PRPF8: variants seen among roughly 807,000 people sequenced by gnomAD.
PRPF8 encodes pre-mRNA-processing-splicing factor 8.
PRPF8 carries 64 observed loss-of-function variants against 285.9 expected under a neutral mutation model. That is an observed-to-expected ratio of 0.22 (90% CI 0.18 to 0.28). The LOEUF is 0.28. Ranked by LOEUF, PRPF8 falls within the 10% of genes least tolerant of loss-of-function variation. The pLI is 1.00. For missense variants in PRPF8, 1,426 were observed against 3,026.7 expected (o/e 0.47, Z 12.41); for synonymous variants, 1,325 against 1,118.2 (o/e 1.18, Z -3.69).
At chr17:1,684,263 G>A (rs112856762) in intron 2 of PRPF8, among the ~76,000 whole-genome samples, 2 of 152,322 alleles carry the variant, frequency 1.3e-5, no homozygotes, top group East Asian at 3.9e-4. Context: ...CGTAAGGACA[G>A]GAATTTTGTC....
chr17:1,678,324 CA>C (rs371598206), intron 13 of PRPF8, 193 bp downstream of exon 13: 1,439 of 586,382 alleles, frequency 2.5e-3, no homozygotes, highest in East Asian at 4.1e-3. Flanking sequence ...CAAAACAAAA[CA>C]AAAAAAAAAT....
chr17:1,658,148 A>G lies in PRPF8; in HGVS notation c.5505+105T>C. 6.5e-7 allele frequency: 1 copy of G among 1,542,276 alleles called. No homozygotes were observed. The highest frequency in any genetic ancestry group is 1.1e-5 in the South Asian group (1 of 87,146). On this transcript the variant is annotated intron_variant, in intron 34 of 42. Coordinates refer to ENST00000304992, the MANE Select transcript of PRPF8 (RefSeq NM_006445.4). The surrounding 1 kb of genome is among the most constrained non-coding windows in gnomAD (Gnocchi z 4.1). ...TATTTTGGGGATAAGTTCAAATGAGATGTTCTCAGCCTTTCATCTAATAAA... is the reference window on the plus strand; with the variant it reads ...TATTTTGGGGATAAGTTCAAATGAGGTGTTCTCAGCCTTTCATCTAATAAA...
At chr17:1,668,099 C>G (rs1912094880) in intron 24 of PRPF8, among the ~76,000 whole-genome samples, 1 of 152,220 alleles carries the variant, frequency 6.6e-6, no homozygotes, top group African/African-American at 2.4e-5. Flanking sequence ...GAATTGAGGC[C>G]CAGCATGGGC....
In PRPF8 at chr17:1,673,011, G is replaced by A. The variant is rs1185442461; in HGVS notation, c.3774+70C>T. ...AAGGAAGCAGCCAGCAGGGGACGAA[G>A]TGAAAGGGGTGTGAAATGAGCAGAG... On this transcript the variant is annotated intron_variant, in intron 24 of 42. Coordinates refer to ENST00000304992, the MANE Select transcript of PRPF8 (RefSeq NM_006445.4). The surrounding 1 kb of genome is among the most constrained non-coding windows in gnomAD (Gnocchi z 5.5). The A allele has an allele frequency of 1.4e-6, 2 of 1,411,916 alleles. No homozygotes were observed. The highest frequency in any genetic ancestry group is 1.7e-5 in the Admixed American group (1 of 59,732). The allele number at this position is 1,411,916 out of a possible 1,614,324, so 87.5% of individuals were successfully genotyped here. A position where few individuals can be genotyped will look rare whatever the true frequency, so the allele number is the denominator to read the frequency against.
In PRPF8 at chr17:1,653,084, G is replaced by A. The variant is rs376203841; in HGVS notation, c.6369+458C>T. 13 of 277,642 alleles carry A rather than the reference G, an allele frequency of 4.7e-5. No homozygotes were observed. The Admixed American group carries it at 4.8e-4, about 10-fold the overall frequency. The allele number at this position is 277,642 out of a possible 1,614,324, so 17.2% of individuals were successfully genotyped here. A position where few individuals can be genotyped will look rare whatever the true frequency, so the allele number is the denominator to read the frequency against. On this transcript the variant is annotated intron_variant, in intron 39 of 42. Coordinates refer to ENST00000304992, the MANE Select transcript of PRPF8 (RefSeq NM_006445.4). This position sits in a 1 kb window ranked among gnomAD's most constrained non-coding sequence, Gnocchi z 4.9. ...CTCCCTAGTAGCTGCAACTACGGGC[G>A]CATGCCACCATGCCTGGCTAATTTT...
intron 3 of PRPF8, 22 bp from the exon 4 acceptor site, chr17:1,682,315 A>G (rs193032459): frequency 1.6e-4 from 257 of 1,612,832 alleles, no homozygotes; most frequent in Non-Finnish European, 2.0e-4. Flanking sequence ...GAAAAAGAGA[A>G]GGCTATCAGA....
At chr17:1,682,411 A>C in intron 3 of PRPF8, 118 bp from the exon 4 acceptor site, 1 of 1,338,458 alleles carries the variant, frequency 7.5e-7, no homozygotes, top group South Asian at 1.2e-5. Context: ...CAAACTCCCA[A>C]ACTTAGCCCA....
At position 1,673,956 on chromosome 17, in the gene PRPF8, C is replaced by T; in HGVS notation, c.3300-64G>A. On this transcript the variant is annotated intron_variant, in intron 21 of 42. Transcript: ENST00000304992. This position sits in a 1 kb window ranked among gnomAD's most constrained non-coding sequence, Gnocchi z 5.5. Reference sequence around the variant, plus strand: ...CTGAGATTTGGGACACCCACAAGTCCTCCAGCTCAATAGACGGAGACCCCA... The same window carrying T: ...CTGAGATTTGGGACACCCACAAGTCTTCCAGCTCAATAGACGGAGACCCCA... 6.3e-7 allele frequency: 1 copy of T among 1,593,578 alleles called. No individual in the cohort carries two copies. Among genetic ancestry groups the T allele is most frequent in the Non-Finnish European group, 8.5e-7 (1 of 1,171,456 alleles).
rs752820827 is a variant in PRPF8 at position 1,679,434 on chromosome 17, T to G, written c.1290-24A>C. 3 of 1,611,644 alleles carry G rather than the reference T, an allele frequency of 1.9e-6. No homozygotes were observed. In the South Asian group the frequency reaches 3.3e-5, roughly 18 times the overall value. ...ACCTGGAAAAATAAGCCCACCAGAG[T>G]TTGGCCATCTCTTCTTCCAGACACT... On this transcript the variant is annotated intron_variant, in intron 9 of 42. Transcript: ENST00000304992. This position sits in a 1 kb window ranked among gnomAD's most constrained non-coding sequence, Gnocchi z 4.7.
intron 20 of PRPF8, 139 bp from the exon 21 acceptor site, chr17:1,674,819 G>A (rs999617962): frequency 6.5e-6 from 6 of 927,392 alleles, no homozygotes; most frequent in Middle Eastern, 2.7e-4. Flanking sequence ...CACCCAGGCT[G>A]AGAGTGCACT....
chr17:1,661,872 A>G lies in PRPF8; in HGVS notation c.4022+34T>C, dbSNP rs1597233104. 1 of 1,614,190 alleles carries G rather than the reference A, an allele frequency of 6.2e-7. No individual in the cohort carries two copies. Among genetic ancestry groups the G allele is most frequent in the African/African-American group, 1.3e-5 (1 of 75,050 alleles). ...ACCCACTTCCCTTAGGGCCTGAGCA[A>G]TAGGGTTTAGAAATACGTTGAACCA... On this transcript the variant is annotated intron_variant, in intron 25 of 42. Coordinates refer to ENST00000304992, the MANE Select transcript of PRPF8 (RefSeq NM_006445.4). The surrounding 1 kb of genome is among the most constrained non-coding windows in gnomAD (Gnocchi z 7.3).
Position 1,653,513 on chromosome 17 carries a change from C to G in PRPF8, c.6369+29G>C. 3 of 1,614,146 alleles carry G rather than the reference C, an allele frequency of 1.9e-6. No individual in the cohort carries two copies. In the East Asian group the frequency reaches 6.7e-5, roughly 36 times the overall value. On this transcript the variant is annotated intron_variant, in intron 39 of 42. Transcript: ENST00000304992. This position sits in a 1 kb window ranked among gnomAD's most constrained non-coding sequence, Gnocchi z 4.9. ...AGGCACAAAATGAGTTGGGCACACA[C>G]TGTGGCCTAGCTGAGTCCACTTACT...
In PRPF8 at chr17:1,682,046, GCAAGACAT is replaced by G; in HGVS notation, c.435-16_435-9del. On this transcript the variant is annotated splice_polypyrimidine_tract_variant and intron_variant, in intron 4 of 42. Coordinates refer to ENST00000304992, the MANE Select transcript of PRPF8 (RefSeq NM_006445.4). The stretch of plus-strand genomic sequence containing the variant: ...ATCATAATCCACATTGACCTGGAAG[GCAAGACAT>G]CACACAACCATTTCTACCCACTGCC... 1 of 1,613,798 alleles carries G rather than the reference GCAAGACAT, an allele frequency of 6.2e-7. No individual in the cohort carries two copies. Among genetic ancestry groups the G allele is most frequent in the Non-Finnish European group, 8.5e-7 (1 of 1,179,946 alleles).
At chr17:1,664,958 C>G (rs1911876440) in intron 24 of PRPF8, among the ~76,000 whole-genome samples, 1 of 151,672 alleles carries the variant, frequency 6.6e-6, no homozygotes, top group Non-Finnish European at 1.5e-5. Flanking sequence ...GAGTTCAAGA[C>G]CAGCCTGGCC....
chr17:1,678,913 G>A (rs780281057), intron 11 of PRPF8, 32 bp from the exon 12 acceptor site: 2 of 1,613,932 alleles, frequency 1.2e-6, no homozygotes, highest in East Asian at 2.2e-5. Flanking sequence ...GACAGAACGT[G>A]AATGAGCAAT....
At chr17:1,669,579 C>T (rs560169562) in intron 24 of PRPF8, among the ~76,000 whole-genome samples, 2 of 152,342 alleles carry the variant, frequency 1.3e-5, no homozygotes, top group African/African-American at 4.8e-5. Context: ...TCTCCACTCA[C>T]TCACTTCCCA....
rs1320660166 is a variant in PRPF8, at chr17:1,655,926, T to C, written c.5794-383A>G. Among the ~76,000 whole-genome samples the C allele has an allele frequency of 4.9e-5, 4 of 81,266 alleles. No homozygotes were observed. In the East Asian group the frequency reaches 1.2e-3, roughly 25 times the overall value. The allele number at this position is 81,266 out of a possible 152,430, so 53.3% of individuals were successfully genotyped here. A position where few individuals can be genotyped will look rare whatever the true frequency, so the allele number is the denominator to read the frequency against. On this transcript the variant is annotated intron_variant, in intron 36 of 42. Transcript: ENST00000304992. ...AGGCGTGAGCCACTGCGCCCGGCCTTTTTTTTTTTTTTTTTAGACAGTCTT... is the reference window on the plus strand; with the variant it reads ...AGGCGTGAGCCACTGCGCCCGGCCTCTTTTTTTTTTTTTTTAGACAGTCTT...
intron 24 of PRPF8, among the ~76,000 whole-genome samples, chr17:1,671,791 C>A (rs1249325383): frequency 7.3e-6 from 1 of 136,278 alleles, no homozygotes; most frequent in Non-Finnish European, 1.5e-5. Flanking sequence ...GCGGAGCTTG[C>A]GGTGAGCCAA....
At chr17:1,674,099 T>C (rs1912480974) in intron 21 of PRPF8, among the ~76,000 whole-genome samples, 1 of 152,088 alleles carries the variant, frequency 6.6e-6, no homozygotes, top group Non-Finnish European at 1.5e-5. Context: ...CCCGGCTCAC[T>C]GCAAGCTCCG....
Sources: allele counts gnomAD v4.1 joint callset (sites outside exome capture counted in the v4.1 genomes callset), GRCh38; gene constraint gnomAD v4.1.1; non-coding constraint Gnocchi (gnomAD v3.1); transcripts MANE v1.5; gene names NCBI Gene and HGNC (gene_info 2026-07-23, HGNC 2026-07-21).